GPC5: variants seen among roughly 807,000 people sequenced by gnomAD.
GPC5 encodes the protein glypican 5.
Under a neutral mutation model 53.9 loss-of-function variants are expected in GPC5, and 47 were observed. The ratio of observed to expected loss-of-function variants is 0.87; its 90% confidence interval spans 0.69 to 1.11. The LOEUF (loss-of-function observed/expected upper bound fraction) is 1.11, where lower values mean the gene tolerates loss of function less well. Ranked by LOEUF, GPC5 falls within the 50% of genes most tolerant of loss-of-function variation. The pLI is 0.00. For missense variants in GPC5, 748 were observed against 713.1 expected (o/e 1.05, Z -0.56); for synonymous variants, 286 against 263.3 (o/e 1.09, Z -0.84).
At position 92,234,576 on chromosome 13, in the gene GPC5, T is replaced by TG. The variant is rs561610200; in HGVS notation, c.1561+89593dup. ...AAATGAAAGACAAAAGGGTTTGGGC[T>TG]GGGGGGCAATACATTGTGGGGATGT... On this transcript the variant is annotated intron_variant, in intron 7 of 7. Coordinates refer to ENST00000377067, the MANE Select transcript of GPC5 (RefSeq NM_004466.6). 3.3e-5 allele frequency among the ~76,000 whole-genome samples: 5 copies of TG among 150,864 alleles called. 1 individual carries two copies. The South Asian group carries it at 8.4e-4, about 25-fold the overall frequency.
At chr13:91,608,406 A>C (rs887560028) in intron 2 of GPC5, among the ~76,000 whole-genome samples, 2 of 152,220 alleles carry the variant, frequency 1.3e-5, no homozygotes, top group African/African-American at 4.8e-5. Context: ...AGGAGAGTAG[A>C]CTTCATTTCC....
At chr13:91,494,710 C>T (rs925473297) in intron 2 of GPC5, among the ~76,000 whole-genome samples, 1 of 152,166 alleles carries the variant, frequency 6.6e-6, no homozygotes. Flanking sequence ...AGGGTGATCA[C>T]TCCTTCTCTT....
chr13:92,147,233 A>G (rs2041874344), intron 7 of GPC5, among the ~76,000 whole-genome samples: 1 of 151,994 alleles, frequency 6.6e-6, no homozygotes, highest in African/African-American at 2.4e-5. Flanking sequence ...CTTCCACTGT[A>G]TTTAGGAATT....
intron 7 of GPC5, among the ~76,000 whole-genome samples, chr13:92,403,464 G>A (rs1875648974): frequency 6.6e-6 from 1 of 152,194 alleles, no homozygotes; most frequent in South Asian, 2.1e-4. Flanking sequence ...ATTAGCAGTG[G>A]CATTAGATTA....
intron 7 of GPC5, among the ~76,000 whole-genome samples, chr13:92,647,221 T>C (rs773640529): frequency 6.6e-5 from 10 of 152,156 alleles, no homozygotes; most frequent in Non-Finnish European, 1.0e-4. Context: ...CCTCAGTCTT[T>C]CACAATTTGC....
intron 6 of GPC5, among the ~76,000 whole-genome samples, chr13:92,074,800 CAA>C (rs1396909750): frequency 2.6e-5 from 4 of 152,154 alleles, no homozygotes; most frequent in Admixed American, 1.3e-4. Context: ...AGCCAAAAAT[CAA>C]AGTGATTCCT....
intron 7 of GPC5, among the ~76,000 whole-genome samples, chr13:92,247,904 G>A (rs2042664415): frequency 6.6e-6 from 1 of 152,068 alleles, no homozygotes; most frequent in Non-Finnish European, 1.5e-5. Flanking sequence ...TAGGGATATT[G>A]CAGTATCCTT....
chr13:91,853,739 A>G (rs1021490197), intron 5 of GPC5, among the ~76,000 whole-genome samples: 2 of 152,004 alleles, frequency 1.3e-5, no homozygotes, highest in Non-Finnish European at 2.9e-5. Context: ...GTGTCCTGAT[A>G]TCAGCTTAGT....
At chr13:92,371,880 G>A (rs978897549) in intron 7 of GPC5, among the ~76,000 whole-genome samples, 5 of 152,168 alleles carry the variant, frequency 3.3e-5, no homozygotes, top group Admixed American at 6.5e-5. Flanking sequence ...GGAAGAAATA[G>A]CAGCAGGGTC....
At chr13:91,963,242 G>C (rs1293831125) in intron 6 of GPC5, among the ~76,000 whole-genome samples, 1 of 152,154 alleles carries the variant, frequency 6.6e-6, no homozygotes, top group Non-Finnish European at 1.5e-5. Context: ...CTAATTCCCT[G>C]CTGCTGGGAG....
At chr13:92,809,068 T>C (rs528889701) in intron 7 of GPC5, among the ~76,000 whole-genome samples, 1 of 152,218 alleles carries the variant, frequency 6.6e-6, no homozygotes, top group African/African-American at 2.4e-5. Flanking sequence ...TTTGCTAGCA[T>C]CTGTTCCCAC....
At chr13:91,498,415 G>C (rs496392) in intron 2 of GPC5, among the ~76,000 whole-genome samples, 111,850 of 151,842 alleles carry the variant, frequency 0.74, 42,738 homozygotes, top group East Asian at 1. Context: ...TTGTGGGCTG[G>C]GAACTGGTTG....
chr13:91,829,408 GGAGGACATAAT>G (rs1253084474), intron 5 of GPC5, among the ~76,000 whole-genome samples: 2 of 152,018 alleles, frequency 1.3e-5, no homozygotes, highest in South Asian at 2.1e-4. Context: ...GAAAAACTAT[GGAGGACATAAT>G]GAGGACATAA....
intron 3 of GPC5, among the ~76,000 whole-genome samples, chr13:91,702,530 G>T (rs112434495): frequency 0.022 from 3,375 of 152,120 alleles, 54 homozygotes; most frequent in African/African-American, 0.032. Context: ...CTTGTACCAT[G>T]ATATTTTGTT....
At chr13:92,567,958 G>A (rs1242525443) in intron 7 of GPC5, among the ~76,000 whole-genome samples, 2 of 152,134 alleles carry the variant, frequency 1.3e-5, no homozygotes, top group Admixed American at 6.6e-5. Context: ...AAGAAAAAGT[G>A]TAGAAATTGA....
chr13:92,032,615 T>C (rs927420757), intron 6 of GPC5, among the ~76,000 whole-genome samples: 1 of 152,146 alleles, frequency 6.6e-6, no homozygotes, highest in African/African-American at 2.4e-5. Context: ...AGCATTAAGA[T>C]CTGCTTATCA....
chr13:92,051,332 G>A (rs2041026970), intron 6 of GPC5, among the ~76,000 whole-genome samples: 1 of 151,046 alleles, frequency 6.6e-6, no homozygotes, highest in Non-Finnish European at 1.5e-5. Flanking sequence ...CTCCTGAGTA[G>A]CTGGAACTAC....
intron 6 of GPC5, among the ~76,000 whole-genome samples, chr13:92,029,326 T>C (rs1016748882): frequency 2.0e-5 from 3 of 152,216 alleles, no homozygotes; most frequent in East Asian, 3.9e-4. Context: ...GACAATGTTA[T>C]AGAGTTCAGT....
intron 7 of GPC5, among the ~76,000 whole-genome samples, chr13:92,213,166 C>A (rs1300715522): frequency 1.3e-5 from 2 of 152,150 alleles, no homozygotes. Flanking sequence ...GATTTGATTG[C>A]CCTGAATAAT....
Sources: allele counts gnomAD v4.1 joint callset (sites outside exome capture counted in the v4.1 genomes callset), GRCh38; gene constraint gnomAD v4.1.1; transcripts MANE v1.5; gene names NCBI Gene and HGNC (gene_info 2026-07-23, HGNC 2026-07-21).